TEKT1: variants seen among roughly 807,000 people sequenced by gnomAD.
TEKT1 encodes the protein tektin-1.
A neutral mutation model predicts 34.8 loss-of-function variants in TEKT1; 32 were observed. The ratio of observed to expected loss-of-function variants is 0.92; its 90% CI spans 0.69 to 1.23. TEKT1 has a LOEUF of 1.23. Among genes scored for constraint, TEKT1 ranks in the 50% most tolerant of loss-of-function variants. The pLI is 0.00. For synonymous variants in TEKT1, 207 were observed against 199.8 expected (o/e 1.04, Z -0.30); for missense variants, 492 against 518.5 (o/e 0.95, Z 0.50).
intron 2 of TEKT1, among the ~76,000 whole-genome samples, chr17:6,826,696 A>ATT (rs1347403207): frequency 6.9e-6 from 1 of 144,596 alleles, no homozygotes; most frequent in African/African-American, 2.8e-5. Flanking sequence ...TGGGATTATT[A>ATT]TTATTTTTTT....
At chr17:6,818,378 C>T (rs1977037417) in intron 3 of TEKT1, among the ~76,000 whole-genome samples, 2 of 152,162 alleles carry the variant, frequency 1.3e-5, no homozygotes. Flanking sequence ...GAACCCAGGT[C>T]TGGAAACCAG....
At chr17:6,802,677 C>T (rs927785661) in intron 6 of TEKT1, among the ~76,000 whole-genome samples, 12 of 150,044 alleles carry the variant, frequency 8.0e-5, no homozygotes, top group Non-Finnish European at 1.8e-4. Flanking sequence ...GTTCCCCTTC[C>T]TGTGTCCATG....
intron 2 of TEKT1, among the ~76,000 whole-genome samples, chr17:6,822,874 C>T (rs1349507003): frequency 1.3e-5 from 2 of 152,212 alleles, no homozygotes; most frequent in Admixed American, 1.3e-4. Context: ...TCTAGAGGGA[C>T]AGTGCTTGTC....
At chr17:6,821,533 G>C (rs917868983) in intron 2 of TEKT1, among the ~76,000 whole-genome samples, 2 of 152,160 alleles carry the variant, frequency 1.3e-5, no homozygotes, top group Non-Finnish European at 2.9e-5. Context: ...CTTTATAGCA[G>C]TGTGAAAATT....
rs373985666 is a variant in TEKT1, at chr17:6,819,304, T to G, written c.245A>C (p.Glu82Ala). ...ATCATCAGTTACATTCACAAGCTGC[T>G]CAAGTTTGTCATCTAACTCCTTCTT... ...FWKKELDDKLEQLVNVTDDLL... is the reference protein window; with the variant it reads ...FWKKELDDKLAQLVNVTDDLL... The change falls in exon 3 of 8, where the codon GAG becomes GCG. Residue 82 changes from glutamate (E) to alanine (A), a missense_variant. Transcript: ENST00000338694. 2.2e-5 allele frequency: 35 copies of G among 1,613,970 alleles called. No homozygotes were observed. In the African/African-American group the frequency reaches 4.7e-4, roughly 22 times the overall value.
intron 2 of TEKT1, among the ~76,000 whole-genome samples, chr17:6,827,003 A>G (rs895965121): frequency 6.6e-6 from 1 of 152,014 alleles, no homozygotes; most frequent in Admixed American, 6.5e-5. Context: ...CCAAGATATC[A>G]TTTTTTATAT....
chr17:6,826,281 A>G (rs190520117), intron 2 of TEKT1, among the ~76,000 whole-genome samples: 15 of 152,254 alleles, frequency 9.9e-5, no homozygotes, highest in African/African-American at 3.4e-4. Flanking sequence ...AGATTTGTCC[A>G]TTTGTTTATT....
intron 3 of TEKT1, among the ~76,000 whole-genome samples, chr17:6,816,744 C>T (rs1977013101): frequency 6.6e-6 from 1 of 152,116 alleles, no homozygotes; most frequent in Non-Finnish European, 1.5e-5. Context: ...TGGGTATATA[C>T]CCAGTAATGG....
At chr17:6,819,118 C>T in intron 3 of TEKT1, 75 bp downstream of exon 3, 1 of 1,527,610 alleles carries the variant, frequency 6.5e-7, no homozygotes, top group Non-Finnish European at 8.9e-7. Context: ...CTCACCATCG[C>T]ACACAGCCGG....
chr17:6,800,859 C>G lies in TEKT1; in HGVS notation c.937G>C (p.Ala313Pro). Residue 313 changes from alanine to proline, a missense_variant, in exon 7 of 8, where the codon GCT becomes CCT. By Grantham distance (27) the Ala-to-Pro change is conservative. Transcript: ENST00000338694. ...ILDQEGPAKVAHTRLETRTHR... is the reference protein window; with the variant it reads ...ILDQEGPAKVPHTRLETRTHR... Reference sequence around the variant, plus strand: ...GTCCTGGTCTCCAAGCGCGTATGAGCCACCTTGGCTGGCCCTTCTTGGTCA... The same window carrying G: ...GTCCTGGTCTCCAAGCGCGTATGAGGCACCTTGGCTGGCCCTTCTTGGTCA... The G allele has an allele frequency of 2.5e-6, 4 of 1,614,150 alleles. No individual in the cohort carries two copies. The highest frequency in any genetic ancestry group is 2.5e-6 in the Non-Finnish European group (3 of 1,180,012).
At chr17:6,808,427 T>A (rs1264222310) in intron 6 of TEKT1, among the ~76,000 whole-genome samples, 1 of 152,160 alleles carries the variant, frequency 6.6e-6, no homozygotes, top group Admixed American at 6.5e-5. Context: ...GGTGAGGCAA[T>A]GCCTCACCGT....
In TEKT1 at chr17:6,815,243, G is replaced by T; in HGVS notation, c.549C>A (p.Thr183=). The T allele has an allele frequency of 6.2e-7, 1 of 1,614,206 alleles. No homozygotes were observed. Among genetic ancestry groups the T allele is most frequent in the South Asian group, 1.1e-5 (1 of 91,082 alleles). The part of the protein sequence containing the change: ...KDLKDKFVAL[T]IDDICFSLNN... ...TGAGCGAGAAGCAGATATCATCTATGGTCAGGGCCACAAACTTGTCCTTCA... is the reference window on the plus strand; with the variant it reads ...TGAGCGAGAAGCAGATATCATCTATTGTCAGGGCCACAAACTTGTCCTTCA... Residue 183 remains threonine, a synonymous_variant, in exon 5 of 8, where the codon ACC becomes ACA. Transcript: ENST00000338694.
intron 2 of TEKT1, among the ~76,000 whole-genome samples, chr17:6,829,036 A>G (rs1228095929): frequency 6.6e-6 from 1 of 152,110 alleles, no homozygotes; most frequent in Non-Finnish European, 1.5e-5. Flanking sequence ...CTGTAATCCC[A>G]GCTACTCAGG....
intron 2 of TEKT1, among the ~76,000 whole-genome samples, chr17:6,825,952 A>T (rs1260353900): frequency 6.6e-6 from 1 of 152,112 alleles, no homozygotes; most frequent in Non-Finnish European, 1.5e-5. Context: ...TTCCCGTATG[A>T]TAAAACTCTA....
At chr17:6,828,430 G>GT (rs1904472507) in intron 2 of TEKT1, among the ~76,000 whole-genome samples, 1 of 152,166 alleles carries the variant, frequency 6.6e-6, no homozygotes, top group Admixed American at 6.5e-5. Flanking sequence ...ATCCATAAAC[G>GT]TGTTTGTTCA....
rs1904575811 is a variant in TEKT1, at chr17:6,831,630, G to C, written c.-18+19C>G. 6.6e-6 allele frequency: 1 copy of C among 152,024 alleles called. No homozygotes were observed. The highest frequency in any genetic ancestry group is 2.4e-5 in the African/African-American group (1 of 41,328). 9.4% of individuals were successfully genotyped at this position (152,024 alleles called of 1,614,324 possible). ...GGTTGCGGGTAGGGGTCGGTGGGGT[G>C]GGGTCATGGTTTACTTACCTCAGCG... On this transcript the variant is annotated intron_variant, in intron 1 of 7. Transcript: ENST00000338694.
chr17:6,828,277 A>AGGT (rs1904468393), intron 2 of TEKT1, among the ~76,000 whole-genome samples: 1 of 152,116 alleles, frequency 6.6e-6, no homozygotes, highest in Non-Finnish European at 1.5e-5. Flanking sequence ...CTATTTGCAC[A>AGGT]ATTATTTAGA....
chr17:6,819,060 G>A, intron 3 of TEKT1, 133 bp downstream of exon 3: 1 of 1,111,552 alleles, frequency 9.0e-7, no homozygotes, highest in Non-Finnish European at 1.3e-6. Flanking sequence ...GGCATGCTGG[G>A]ATAACTTCAG....
chr17:6,807,111 G>T (rs1976855607), intron 6 of TEKT1, among the ~76,000 whole-genome samples: 1 of 152,178 alleles, frequency 6.6e-6, no homozygotes, highest in South Asian at 2.1e-4. Flanking sequence ...ACACCAATCA[G>T]ATGTAGATTT....
Sources: allele counts gnomAD v4.1 joint callset (sites outside exome capture counted in the v4.1 genomes callset), GRCh38; gene constraint gnomAD v4.1.1; transcripts MANE v1.5; gene names NCBI Gene and HGNC (gene_info 2026-07-23, HGNC 2026-07-21).